The following SUMF1 variants were observed in gnomAD, a reference collection of about 807,000 sequenced individuals.
SUMF1 encodes the protein formylglycine-generating enzyme.
SUMF1 carries 48 observed loss-of-function variants against 47.6 expected under a neutral mutation model. The ratio of observed to expected loss-of-function variants is 1.01; its 90% CI spans 0.80 to 1.28. SUMF1 has a LOEUF of 1.28. Ranked by LOEUF, SUMF1 falls within the 50% of genes most tolerant of loss-of-function variation. The pLI is 0.00. For synonymous variants in SUMF1, 230 were observed against 192.1 expected, an observed-to-expected ratio of 1.20 and a Z score of -1.63; for missense variants, 571 against 485.4, an observed-to-expected ratio of 1.18 and a Z score of -1.66.
intron 7 of SUMF1, among the ~76,000 whole-genome samples, chr3:4,404,620 G>A (rs1036642912): frequency 6.6e-6 from 1 of 152,080 alleles, no homozygotes; most frequent in African/African-American, 2.4e-5. Flanking sequence ...AGCCAGGCGT[G>A]GTGACACATG....
intron 1 of SUMF1, among the ~76,000 whole-genome samples, chr3:4,454,992 G>A (rs1414509577): frequency 6.6e-6 from 1 of 152,184 alleles, no homozygotes. Context: ...CTGGAATTAG[G>A]CAGTGATAGT....
intron 8 of SUMF1, among the ~76,000 whole-genome samples, chr3:4,075,600 C>T (rs1692415246): frequency 6.6e-6 from 1 of 152,138 alleles, no homozygotes; most frequent in Admixed American, 6.5e-5. Flanking sequence ...CCCATCATCT[C>T]AGCCCAAAAT....
intron 8 of SUMF1, among the ~76,000 whole-genome samples, chr3:4,216,305 TAATG>T (rs1386038454): frequency 6.6e-6 from 1 of 152,202 alleles, no homozygotes; most frequent in Non-Finnish European, 1.5e-5. Context: ...ATTCCCTATT[TAATG>T]AATGGTGTTG....
intron 8 of SUMF1, among the ~76,000 whole-genome samples, chr3:4,335,651 A>G (rs1699131688): frequency 6.6e-6 from 1 of 152,098 alleles, no homozygotes; most frequent in Non-Finnish European, 1.5e-5. Flanking sequence ...AGAAATAAAA[A>G]TAGCCCCAGC....
chr3:4,072,113 G>A (rs117595885), intron 8 of SUMF1, among the ~76,000 whole-genome samples: 6,302 of 152,144 alleles, frequency 0.041, 400 homozygotes, highest in East Asian at 0.19. Flanking sequence ...AGCAATATTT[G>A]CTGTTCTGCA....
intron 9 of SUMF1, among the ~76,000 whole-genome samples, chr3:4,066,986 T>G (rs957286213): frequency 6.6e-6 from 1 of 152,144 alleles, no homozygotes; most frequent in African/African-American, 2.4e-5. Flanking sequence ...CAGTCTTGAT[T>G]TATGAAGGGC....
intron 8 of SUMF1, among the ~76,000 whole-genome samples, chr3:4,325,525 A>ATGTGTGTGTGTGTGTATATATG (rs1559226439): frequency 6.6e-6 from 1 of 150,644 alleles, no homozygotes; most frequent in Non-Finnish European, 1.5e-5. Flanking sequence ...GCATATATGT[A>ATGTGTGTGTGTGTGTATATATG]TGTGTGTGTG....
At chr3:4,382,106 G>A (rs894319549) in intron 7 of SUMF1, among the ~76,000 whole-genome samples, 3 of 152,124 alleles carry the variant, frequency 2.0e-5, no homozygotes, top group Admixed American at 2.0e-4. Flanking sequence ...TAGGCAATGA[G>A]TATCAATGGC....
In SUMF1 at chr3:4,376,432, G is replaced by T. The variant is rs748480656; in HGVS notation, c.955-43C>A. 3 of 1,602,900 alleles carry T rather than the reference G, an allele frequency of 1.9e-6. No individual in the cohort carries two copies. In the Admixed American group the frequency reaches 5.0e-5, roughly 27 times the overall value. ...AGGCTATGTTAGACCAGAAGGCAAA[G>T]CTGCCCCTTACACAGTGGGAGAGAA... On this transcript the variant is annotated intron_variant, in intron 7 of 8. Coordinates refer to ENST00000272902, the MANE Select transcript of SUMF1 (RefSeq NM_182760.4).
At chr3:4,415,658 CAAA>C (rs953760049) in intron 6 of SUMF1, among the ~76,000 whole-genome samples, 1 of 152,012 alleles carries the variant, frequency 6.6e-6, no homozygotes. Context: ...ACTAAAAATA[CAAA>C]AATTAGCCAG....
chr3:4,137,735 T>C (rs1436585300), intron 8 of SUMF1, among the ~76,000 whole-genome samples: 1 of 152,100 alleles, frequency 6.6e-6, no homozygotes, highest in Non-Finnish European at 1.5e-5. Flanking sequence ...AGCTTTTCCT[T>C]TCACATCCAG....
chr3:4,389,577 G>A (rs1178382269), intron 7 of SUMF1, among the ~76,000 whole-genome samples: 2 of 152,040 alleles, frequency 1.3e-5, no homozygotes, highest in African/African-American at 2.4e-5. Flanking sequence ...TTTCTCCTCT[G>A]GGATTCTCAA....
At chr3:4,270,447 C>A (rs374506488) in intron 8 of SUMF1, among the ~76,000 whole-genome samples, 1 of 152,020 alleles carries the variant, frequency 6.6e-6, no homozygotes, top group African/African-American at 2.4e-5. Context: ...CACGCACACA[C>A]ACACCACCCA....
chr3:4,218,687 T>C (rs1695995217), intron 8 of SUMF1, among the ~76,000 whole-genome samples: 1 of 152,200 alleles, frequency 6.6e-6, no homozygotes, highest in South Asian at 2.1e-4. Context: ...CATCAGTTTA[T>C]AGACAAACCA....
rs1416742068 is a variant in SUMF1, at chr3:4,442,651, A to AAAAAAAAAAAAG, written c.519+6614_519+6615insCTTTTTTTTTTT. 6.8e-4 allele frequency among the ~76,000 whole-genome samples: 23 copies of AAAAAAAAAAAAG among 34,010 alleles called. No homozygotes were observed. The East Asian group carries it at 0.011, about 17-fold the overall frequency. 22.3% of individuals were successfully genotyped at this position (34,010 alleles called of 152,430 possible). ...AGAGAGAAAAAGGAAAAAAAAAAAA[A>AAAAAAAAAAAAG]AGAGAGAGAAAAAGGAAAGAGAAGT... On this transcript the variant is annotated intron_variant, in intron 3 of 8. Coordinates refer to ENST00000272902, the MANE Select transcript of SUMF1 (RefSeq NM_182760.4).
intron 8 of SUMF1, among the ~76,000 whole-genome samples, chr3:4,269,382 A>G (rs982446141): frequency 3.3e-5 from 5 of 152,214 alleles, no homozygotes; most frequent in Admixed American, 2.0e-4. Flanking sequence ...ATAATTCACT[A>G]TTAGCAACAC....
intron 8 of SUMF1, among the ~76,000 whole-genome samples, chr3:4,280,901 G>T (rs922322635): frequency 5.3e-5 from 8 of 150,208 alleles, no homozygotes; most frequent in Non-Finnish European, 8.9e-5. Context: ...TTTTTGATAA[G>T]GGCACAGTCA....
chr3:4,245,103 C>G (rs1312291643), intron 8 of SUMF1, among the ~76,000 whole-genome samples: 2 of 151,978 alleles, frequency 1.3e-5, no homozygotes, highest in African/African-American at 2.4e-5. Flanking sequence ...CATTCAAGCT[C>G]TTCTCTACAC....
chr3:4,244,827 T>C (rs142259703), intron 8 of SUMF1, among the ~76,000 whole-genome samples: 5 of 152,292 alleles, frequency 3.3e-5, no homozygotes, highest in African/African-American at 9.6e-5. Flanking sequence ...TCCTGGATAA[T>C]ATCCTGAAGG....
Sources: allele counts gnomAD v4.1 joint callset (sites outside exome capture counted in the v4.1 genomes callset), GRCh38; gene constraint gnomAD v4.1.1; transcripts MANE v1.5; gene names NCBI Gene and HGNC (gene_info 2026-07-23, HGNC 2026-07-21).